Variants in SIPA1L2 observed in about 807,000 individuals in gnomAD.
The protein encoded by SIPA1L2 is signal induced proliferation associated 1 like 2, also known as signal-induced proliferation-associated 1-like protein 2.
Under a neutral mutation model 163.9 loss-of-function variants are expected in SIPA1L2, and 56 were observed. The ratio of observed to expected loss-of-function variants is 0.34; its 90% CI spans 0.28 to 0.43. The LOEUF (loss-of-function observed/expected upper bound fraction) is 0.43, where lower values mean the gene tolerates loss of function less well. Ranked by LOEUF, SIPA1L2 falls within the 20% of genes least tolerant of loss-of-function variation. The pLI, the probability that SIPA1L2 is intolerant of heterozygous loss-of-function variation, is 1.00. For synonymous variants in SIPA1L2, 877 were observed against 865.7 expected (o/e 1.01, Z -0.23); for missense variants, 1,974 against 2,193.5 (o/e 0.90, Z 2.00).
intron 2 of SIPA1L2, among the ~76,000 whole-genome samples, chr1:232,541,027 T>C (rs1657626325): frequency 6.6e-6 from 1 of 152,014 alleles, no homozygotes; most frequent in Non-Finnish European, 1.5e-5. Context: ...TTCTCACTTA[T>C]AAGTGGGAGC....
chr1:232,491,166 T>C (rs1436567388), intron 4 of SIPA1L2, 104 bp from the exon 5 acceptor site: 3 of 1,029,314 alleles, frequency 2.9e-6, no homozygotes, highest in Non-Finnish European at 1.4e-6. Flanking sequence ...GAAGCAAGGC[T>C]CTTTCTGAGT....
chr1:232,611,746 T>A (rs927731594), intron 1 of SIPA1L2, among the ~76,000 whole-genome samples: 1 of 152,100 alleles, frequency 6.6e-6, no homozygotes, highest in Non-Finnish European at 1.5e-5. Context: ...ATCATAAAAG[T>A]TCAAAAAATT....
intron 7 of SIPA1L2, among the ~76,000 whole-genome samples, chr1:232,477,061 T>C (rs1188890292): frequency 6.6e-6 from 1 of 152,178 alleles, no homozygotes; most frequent in African/African-American, 2.4e-5. Flanking sequence ...TACAACTCAT[T>C]AACAAATTTG....
chr1:232,578,862 C>T (rs1471766325), intron 1 of SIPA1L2, among the ~76,000 whole-genome samples: 2 of 152,182 alleles, frequency 1.3e-5, no homozygotes, highest in East Asian at 3.8e-4. Context: ...TACTTCATTT[C>T]CTACTAAGCA....
intron 2 of SIPA1L2, among the ~76,000 whole-genome samples, chr1:232,541,664 C>A (rs144956125): frequency 6.6e-6 from 1 of 151,954 alleles, no homozygotes; most frequent in African/African-American, 2.4e-5. Context: ...CAACTTTATC[C>A]GCTCATTTGA....
In SIPA1L2 at chr1:232,513,728, A is replaced by C. The variant is rs902776556; in HGVS notation, c.1483+129T>G. 2.7e-5 allele frequency: 25 copies of C among 940,910 alleles called. No individual in the cohort carries two copies. The South Asian group carries it at 4.7e-4, about 18-fold the overall frequency. The allele number at this position is 940,910 out of a possible 1,614,324, so 58.3% of individuals were successfully genotyped here. A position where few individuals can be genotyped will look rare whatever the true frequency, so the allele number is the denominator to read the frequency against. On this transcript the variant is annotated intron_variant, in intron 3 of 22. Transcript: ENST00000674635. ...TATGGAGGGACCATGATGGAGAACA[A>C]GGTCAGGCCCAGTGGACTATGGCCT...
intron 2 of SIPA1L2, among the ~76,000 whole-genome samples, chr1:232,549,517 T>C (rs1044373129): frequency 9.2e-5 from 14 of 152,340 alleles, no homozygotes; most frequent in South Asian, 6.2e-4. Flanking sequence ...CTCTCAAGAA[T>C]TGTTAACATG....
At chr1:232,535,582 A>G (rs1377974192) in intron 2 of SIPA1L2, among the ~76,000 whole-genome samples, 1 of 152,256 alleles carries the variant, frequency 6.6e-6, no homozygotes, top group Non-Finnish European at 1.5e-5. Flanking sequence ...AGGTTCTAAA[A>G]GAATAATCTG....
At chr1:232,408,700 C>T (rs756062859) in intron 19 of SIPA1L2, among the ~76,000 whole-genome samples, 2 of 152,018 alleles carry the variant, frequency 1.3e-5, no homozygotes, top group African/African-American at 4.8e-5. Context: ...ATTCCTTGAC[C>T]ATTTGTTTAC....
chr1:232,625,300 C>T (rs1285091319), intron 1 of SIPA1L2, among the ~76,000 whole-genome samples: 1 of 152,170 alleles, frequency 6.6e-6, no homozygotes, highest in Non-Finnish European at 1.5e-5. Context: ...TCATCACCGG[C>T]TTAAGTAAAG....
At chr1:232,507,176 A>T (rs1423497499) in intron 3 of SIPA1L2, among the ~76,000 whole-genome samples, 3 of 146,874 alleles carry the variant, frequency 2.0e-5, no homozygotes, top group East Asian at 2.0e-4. Flanking sequence ...ACGGTCTGTG[A>T]TTTTTTTTTT....
chr1:232,468,197 T>C (rs983312361), intron 8 of SIPA1L2, among the ~76,000 whole-genome samples: 1 of 152,208 alleles, frequency 6.6e-6, no homozygotes, highest in Non-Finnish European at 1.5e-5. Flanking sequence ...ATAATTCCCA[T>C]TGTGTGGAAA....
At chr1:232,543,320 A>G (rs1264372013) in intron 2 of SIPA1L2, among the ~76,000 whole-genome samples, 1 of 152,230 alleles carries the variant, frequency 6.6e-6, no homozygotes, top group Non-Finnish European at 1.5e-5. Flanking sequence ...CTGGCCCTTG[A>G]ACACGGGTTT....
At chr1:232,431,666 C>T (rs999612829) in intron 16 of SIPA1L2, among the ~76,000 whole-genome samples, 2 of 152,084 alleles carry the variant, frequency 1.3e-5, no homozygotes, top group Non-Finnish European at 2.9e-5. Flanking sequence ...TTCTTGAATG[C>T]AATTTATTTA....
At chr1:232,528,102 A>AT (rs34779799) in intron 2 of SIPA1L2, among the ~76,000 whole-genome samples, 1,384 of 118,414 alleles carry the variant, frequency 0.012, 70 homozygotes, top group African/African-American at 0.044. Context: ...ATATATATAT[A>AT]ATCAACTTTC....
Position 232,518,524 on chromosome 1 carries a change from C to T in SIPA1L2, c.-269-2916G>A, listed in dbSNP as rs138412988. Among the ~76,000 whole-genome samples, 6 of 152,288 alleles carry T rather than the reference C, an allele frequency of 3.9e-5. No individual in the cohort carries two copies. In the East Asian group the frequency reaches 7.7e-4, roughly 20 times the overall value. On this transcript the variant is annotated intron_variant, in intron 2 of 22. Coordinates refer to ENST00000674635, the MANE Select transcript of SIPA1L2 (RefSeq NM_020808.5). ...TCTCTCCCTCCTCCCTTGTTTTCTA[C>T]GCCCTGCCCCAGACATACCAAGCGT...
intron 7 of SIPA1L2, among the ~76,000 whole-genome samples, chr1:232,474,177 C>T (rs922830111): frequency 1.3e-5 from 2 of 152,132 alleles, no homozygotes; most frequent in Non-Finnish European, 2.9e-5. Context: ...TCTTCTGGGG[C>T]GAACTTCTTT....
At chr1:232,477,448 A>G (rs1183499803) in intron 7 of SIPA1L2, among the ~76,000 whole-genome samples, 1 of 152,148 alleles carries the variant, frequency 6.6e-6, no homozygotes, top group Admixed American at 6.5e-5. Flanking sequence ...TCATTCAACA[A>G]ATGTTTGTTG....
intron 17 of SIPA1L2, among the ~76,000 whole-genome samples, chr1:232,427,877 G>A (rs1255487382): frequency 6.6e-6 from 1 of 152,178 alleles, no homozygotes; most frequent in Non-Finnish European, 1.5e-5. Flanking sequence ...TCTAACTCCA[G>A]TTCAGTTCTG....
Sources: gnomAD v4.1 joint callset for allele counts (sites outside exome capture counted in the v4.1 genomes callset) on GRCh38, gnomAD v4.1.1 for gene constraint, MANE v1.5 for transcripts, NCBI Gene and HGNC (gene_info 2026-07-23, HGNC 2026-07-21) for gene names.